UST: variants seen among roughly 807,000 people sequenced by gnomAD.
UST encodes the protein chondroitin sulfate 2-O-sulfotransferase.
UST carries 21 observed loss-of-function variants against 45.6 expected under a neutral mutation model. The observed-to-expected ratio is 0.46, with a 90% CI of 0.33 to 0.66. The LOEUF (loss-of-function observed/expected upper bound fraction) is 0.66, where lower values mean the gene tolerates loss of function less well. Among genes scored for constraint, UST ranks in the 30% least tolerant of loss-of-function variants. The pLI is 0.02. For missense variants in UST, 463 were observed against 512.4 expected (o/e 0.90, Z 0.93); for synonymous variants, 215 against 200.6 (o/e 1.07, Z -0.61).
chr6:148,833,210 A>G (rs1366322001), intron 1 of UST, among the ~76,000 whole-genome samples: 5 of 152,206 alleles, frequency 3.3e-5, no homozygotes, highest in East Asian at 1.9e-4. Context: ...GAACCTGACC[A>G]GGCGCAGTGG....
intron 1 of UST, among the ~76,000 whole-genome samples, chr6:148,797,843 T>A (rs538683147): frequency 1.1e-3 from 175 of 152,190 alleles, no homozygotes; most frequent in Non-Finnish European, 1.9e-3. Flanking sequence ...GTCTAGAGCC[T>A]AGGGGATGAA....
chr6:148,835,375 A>T (rs1012567846), intron 1 of UST, among the ~76,000 whole-genome samples: 1 of 152,128 alleles, frequency 6.6e-6, no homozygotes, highest in Non-Finnish European at 1.5e-5. Flanking sequence ...TTGAATACTG[A>T]TGGATGACTG....
chr6:148,949,857 C>T (rs1780330050), intron 3 of UST, among the ~76,000 whole-genome samples: 1 of 152,168 alleles, frequency 6.6e-6, no homozygotes, highest in African/African-American at 2.4e-5. Context: ...AAGTGCATGT[C>T]CTGAAGAATT....
At chr6:148,837,180 T>G (rs1027301602) in intron 1 of UST, among the ~76,000 whole-genome samples, 3 of 152,206 alleles carry the variant, frequency 2.0e-5, no homozygotes, top group Non-Finnish European at 4.4e-5. Flanking sequence ...TCCTGAATTT[T>G]GGAGCAATTT....
intron 2 of UST, among the ~76,000 whole-genome samples, chr6:148,890,440 A>T (rs937312561): frequency 2.6e-5 from 4 of 152,180 alleles, no homozygotes; most frequent in Non-Finnish European, 4.4e-5. Context: ...CTCAGTCCAG[A>T]CCCATCTTTT....
chr6:148,821,966 C>T (rs1464946761), intron 1 of UST, among the ~76,000 whole-genome samples: 1 of 152,148 alleles, frequency 6.6e-6, no homozygotes, highest in Non-Finnish European at 1.5e-5. Context: ...TACATGTCCC[C>T]GTCATCCTTT....
chr6:148,756,863 C>T (rs1340806909), intron 1 of UST, among the ~76,000 whole-genome samples: 1 of 152,180 alleles, frequency 6.6e-6, no homozygotes, highest in Non-Finnish European at 1.5e-5. Flanking sequence ...GATTCCAAAT[C>T]CTGCTTTGTT....
At position 148,964,487 on chromosome 6, in the gene UST, G is replaced by C. The variant is rs767749146; in HGVS notation, c.605G>C (p.Arg202Pro). The C allele has an allele frequency of 1.9e-6, 3 of 1,614,102 alleles. No individual in the cohort carries two copies. The highest frequency in any genetic ancestry group is 1.7e-6 in the Non-Finnish European group (2 of 1,180,036). The change falls in exon 5 of 8, where the codon CGT (arginine) becomes CCT (proline). Residue 202 changes from arginine to proline, a missense_variant. Physicochemically the swap from Arg to Pro is moderately radical, Grantham distance 103. This residue lies in a region of UST where 287 missense variants were observed against 374.2 expected (regional missense o/e 0.77). Coordinates refer to ENST00000367463, the MANE Select transcript of UST (RefSeq NM_005715.3). ...VNRFLSNYFF[R>P]RFGDWRGEQN... is the part of the protein sequence containing the mutation. ...CGGTTCTTATCCAACTATTTTTTCC[G>C]TCGCTTTGGAGACTGGAGAGGGGAA...
chr6:148,965,981 T>C (rs1373150946), intron 5 of UST, among the ~76,000 whole-genome samples: 1 of 151,532 alleles, frequency 6.6e-6, no homozygotes, highest in Non-Finnish European at 1.5e-5. Flanking sequence ...CCCAGCACTT[T>C]GGGAGGCCGA....
rs3075093 is a variant in UST at position 148,899,092 on chromosome 6, C to CTTTTT, written c.291+12084_291+12088dup. 1.5e-3 allele frequency among the ~76,000 whole-genome samples: 96 copies of CTTTTT among 65,554 alleles called. 4 individuals are homozygous for CTTTTT. The highest frequency in any genetic ancestry group is 4.7e-3 in the African/African-American group (79 of 16,940). The allele number at this position is 65,554 out of a possible 152,430, so 43.0% of individuals were successfully genotyped here. ...CAATATAGCATATAGCTACCTAATCCTTTTTTTTTTTTTTTTTTTTTTTTT... is the reference window on the plus strand; with the variant it reads ...CAATATAGCATATAGCTACCTAATCCTTTTTTTTTTTTTTTTTTTTTTTTTTTTTT... On this transcript the variant is annotated intron_variant, in intron 2 of 7. Coordinates refer to ENST00000367463, the MANE Select transcript of UST (RefSeq NM_005715.3).
chr6:149,057,314 C>T (rs1224849387), intron 7 of UST, among the ~76,000 whole-genome samples: 1 of 151,974 alleles, frequency 6.6e-6, no homozygotes, highest in Admixed American at 6.5e-5. Flanking sequence ...TACTCCTTTA[C>T]ATTCTCAGAG....
At chr6:148,762,714 C>T (rs759780148) in intron 1 of UST, among the ~76,000 whole-genome samples, 2 of 151,974 alleles carry the variant, frequency 1.3e-5, no homozygotes, top group Non-Finnish European at 2.9e-5. Context: ...TTGAGAGTCC[C>T]CATTGTCTGT....
intron 5 of UST, among the ~76,000 whole-genome samples, chr6:148,970,164 C>A (rs1282845168): frequency 2.6e-5 from 4 of 152,126 alleles, no homozygotes; most frequent in Admixed American, 2.6e-4. Flanking sequence ...GTTAGCAAGA[C>A]CTGAGGGTAT....
At chr6:148,861,557 TCTTG>T (rs1259900469) in intron 1 of UST, among the ~76,000 whole-genome samples, 2 of 152,208 alleles carry the variant, frequency 1.3e-5, no homozygotes, top group African/African-American at 4.8e-5. Context: ...ATGTGTTTGC[TCTTG>T]CTTCTCTAGT....
chr6:148,977,163 T>C (rs905602401), intron 5 of UST, among the ~76,000 whole-genome samples: 1 of 151,952 alleles, frequency 6.6e-6, no homozygotes. Flanking sequence ...TTCTTGGTTT[T>C]AGAGGGATCT....
In UST at chr6:149,075,727, G is replaced by A. The variant is rs1776881282; in HGVS notation, c.*1611G>A. The A allele has an allele frequency of 6.6e-6, 1 of 152,310 alleles. No individual in the cohort carries two copies. Among genetic ancestry groups the A allele is most frequent in the African/African-American group, 2.4e-5 (1 of 41,574 alleles). The allele number at this position is 152,310 out of a possible 1,614,324, so 9.4% of individuals were successfully genotyped here. On this transcript the variant is annotated 3_prime_UTR_variant, in exon 8 of 8. Coordinates refer to ENST00000367463, the MANE Select transcript of UST (RefSeq NM_005715.3). ...CTAGCTAAGAAGCCGAGGTTCAGTG[G>A]TGGCAGCAGGAAGGACACTGCCACA...
intron 1 of UST, among the ~76,000 whole-genome samples, chr6:148,844,775 G>A (rs764741717): frequency 1.4e-4 from 21 of 152,040 alleles, no homozygotes; most frequent in Non-Finnish European, 2.9e-4. Context: ...TGCAACCCAC[G>A]CTCCTGTCAT....
intron 1 of UST, among the ~76,000 whole-genome samples, chr6:148,886,265 T>A (rs1778911017): frequency 6.6e-6 from 1 of 152,210 alleles, no homozygotes; most frequent in African/African-American, 2.4e-5. Flanking sequence ...TCTCCTCTGT[T>A]AAAAGGGGAC....
At chr6:149,036,100 A>G (rs1389789967) in intron 7 of UST, among the ~76,000 whole-genome samples, 2 of 151,936 alleles carry the variant, frequency 1.3e-5, no homozygotes. Context: ...TCTCCTTCCC[A>G]CTCCTCTGGG....
Sources: allele counts gnomAD v4.1 joint callset (sites outside exome capture counted in the v4.1 genomes callset), GRCh38; gene constraint gnomAD v4.1.1; regional missense constraint gnomAD v4.1.1; transcripts MANE v1.5; gene names NCBI Gene and HGNC (gene_info 2026-07-23, HGNC 2026-07-21).